IFT74: variants seen among roughly 807,000 people sequenced by gnomAD.
IFT74 encodes the protein intraflagellar transport protein 74 homolog.
A neutral mutation model predicts 96.7 loss-of-function variants in IFT74; 92 were observed. The ratio of observed to expected loss-of-function variants is 0.95; its 90% CI spans 0.80 to 1.13. The LOEUF (loss-of-function observed/expected upper bound fraction) is 1.13. IFT74 is among the 50% of genes most tolerant of loss of function. IFT74 has a pLI of 0.00. For synonymous variants in IFT74, 223 were observed against 213.2 expected (o/e 1.05, Z -0.40); for missense variants, 811 against 698.2 (o/e 1.16, Z -1.82).
At chr9:27,029,125 T>TA in intron 13 of IFT74, 21 bp downstream of exon 13, 1 of 1,553,564 alleles carries the variant, frequency 6.4e-7, no homozygotes, top group Non-Finnish European at 8.8e-7. Context: ...GGTATTTTTA[T>TA]AATGTAGATT....
intron 2 of IFT74, among the ~76,000 whole-genome samples, chr9:26,972,685 C>T (rs1385260724): frequency 6.6e-6 from 1 of 152,066 alleles, no homozygotes; most frequent in Non-Finnish European, 1.5e-5. Context: ...ACAGCAATAT[C>T]CAATTAATCC....
chr9:27,029,199 G>A, intron 13 of IFT74, 95 bp downstream of exon 13: 1 of 822,252 alleles, frequency 1.2e-6, no homozygotes, highest in Non-Finnish European at 1.8e-6. Context: ...CAACTACCTG[G>A]GATTTATTAT....
At chr9:26,974,928 C>T (rs938682068) in intron 2 of IFT74, among the ~76,000 whole-genome samples, 7 of 152,106 alleles carry the variant, frequency 4.6e-5, no homozygotes, top group African/African-American at 9.7e-5. Flanking sequence ...GGAAGAGAGT[C>T]GGGGCTGACT....
At position 27,000,515 on chromosome 9, in the gene IFT74, C is replaced by T. The variant is rs532792339; in HGVS notation, c.588-8505C>T. Among the ~76,000 whole-genome samples, 61 of 152,114 alleles carry T rather than the reference C, an allele frequency of 4.0e-4. No individual in the cohort carries two copies. In the East Asian group the frequency reaches 4.4e-3, roughly 11 times the overall value. ...GTAACTTTTAAAAATTTTATTGAGGCGTGGTAGATATACATAGTTTTGGGG... is the reference window on the plus strand; with the variant it reads ...GTAACTTTTAAAAATTTTATTGAGGTGTGGTAGATATACATAGTTTTGGGG... On this transcript the variant is annotated intron_variant, in intron 8 of 19. Transcript: ENST00000380062.
chr9:26,948,744 T>C (rs1825842711), intron 1 of IFT74, among the ~76,000 whole-genome samples: 1 of 152,142 alleles, frequency 6.6e-6, no homozygotes, highest in Non-Finnish European at 1.5e-5. Context: ...ATTATAAGCG[T>C]GAGCCACCAC....
At chr9:27,029,352 T>C (rs955857732) in intron 13 of IFT74, among the ~76,000 whole-genome samples, 1 of 152,310 alleles carries the variant, frequency 6.6e-6, no homozygotes, top group East Asian at 1.9e-4. Context: ...TTTTTTTTTT[T>C]ACAAAAACAG....
chr9:27,057,448 T>C (rs1820216795), intron 18 of IFT74, among the ~76,000 whole-genome samples: 1 of 152,196 alleles, frequency 6.6e-6, no homozygotes, highest in Admixed American at 6.6e-5. Context: ...AATGAAGCAT[T>C]ATGTGTCATG....
At chr9:27,002,193 G>A (rs1828535722) in intron 8 of IFT74, among the ~76,000 whole-genome samples, 1 of 152,134 alleles carries the variant, frequency 6.6e-6, no homozygotes, top group South Asian at 2.1e-4. Flanking sequence ...GTGCAGTGAT[G>A]CCATTTTGGC....
At chr9:26,978,308 A>G in intron 3 of IFT74, 45 bp downstream of exon 3, 1 of 1,584,032 alleles carries the variant, frequency 6.3e-7, no homozygotes, top group Non-Finnish European at 8.6e-7. Flanking sequence ...TGTGTTTTGT[A>G]AGAAATAAAT....
At chr9:26,957,199 G>T (rs867023120) in intron 1 of IFT74, among the ~76,000 whole-genome samples, 1 of 152,180 alleles carries the variant, frequency 6.6e-6, no homozygotes, top group Non-Finnish European at 1.5e-5. Context: ...TGTTGCTAAT[G>T]CCCGCCTCTT....
intron 2 of IFT74, among the ~76,000 whole-genome samples, 175 bp downstream of exon 2, chr9:26,962,262 G>C (rs959516436): frequency 6.6e-6 from 1 of 152,152 alleles, no homozygotes; most frequent in African/African-American, 2.4e-5. Context: ...GTAGAAGTTG[G>C]AAATCCCCTC....
intron 16 of IFT74, among the ~76,000 whole-genome samples, chr9:27,051,712 G>A (rs1019189821): frequency 1.3e-5 from 2 of 152,124 alleles, no homozygotes; most frequent in African/African-American, 4.8e-5. Flanking sequence ...TTCACTTAGC[G>A]TAATGTCCTT....
At chr9:27,020,691 G>C (rs1273855713) in intron 12 of IFT74, among the ~76,000 whole-genome samples, 2 of 152,018 alleles carry the variant, frequency 1.3e-5, no homozygotes, top group Non-Finnish European at 2.9e-5. Context: ...AGCCAGGATG[G>C]TCTCGATCTC....
chr9:27,038,229 T>C lies in IFT74; in HGVS notation c.1055-6513T>C, dbSNP rs534434557. ...GTCAGTGATTTCAGGAGCTTCCCCATTATTGGTGCAGAAGTCAGGAATATG... is the reference window on the plus strand; with the variant it reads ...GTCAGTGATTTCAGGAGCTTCCCCACTATTGGTGCAGAAGTCAGGAATATG... On this transcript the variant is annotated intron_variant, in intron 13 of 19. Coordinates refer to ENST00000380062, the MANE Select transcript of IFT74 (RefSeq NM_025103.4). Among the ~76,000 whole-genome samples, 34 of 152,244 alleles carry C rather than the reference T, an allele frequency of 2.2e-4. No individual in the cohort carries two copies. In the East Asian group the frequency reaches 6.2e-3, roughly 28 times the overall value.
upstream of IFT74, among the ~76,000 whole-genome samples, chr9:26,952,634 C>T (rs903799314): frequency 3.3e-5 from 5 of 152,188 alleles, no homozygotes; most frequent in Non-Finnish European, 2.9e-5. Context: ...ATTCAAAAGA[C>T]GTAAAGGATG....
At chr9:26,951,059 A>G (rs1449371762) in intron 1 of IFT74, among the ~76,000 whole-genome samples, 1 of 152,268 alleles carries the variant, frequency 6.6e-6, no homozygotes, top group African/African-American at 2.4e-5. Flanking sequence ...TGAAGGCATG[A>G]AGGAAAAATG....
At chr9:27,061,342 C>T (rs116328835) in intron 19 of IFT74, among the ~76,000 whole-genome samples, 1 of 152,210 alleles carries the variant, frequency 6.6e-6, no homozygotes, top group Non-Finnish European at 1.5e-5. Flanking sequence ...ACAATTTAAT[C>T]TGTTCAAGCT....
At chr9:27,049,079 T>C (rs1001726398) in intron 16 of IFT74, among the ~76,000 whole-genome samples, 1 of 152,124 alleles carries the variant, frequency 6.6e-6, no homozygotes, top group East Asian at 1.9e-4. Flanking sequence ...CCTCCTTCTC[T>C]CTCTTGCCTT....
At chr9:26,999,386 T>G (rs1300078245) in intron 8 of IFT74, among the ~76,000 whole-genome samples, 1 of 152,186 alleles carries the variant, frequency 6.6e-6, no homozygotes, top group African/African-American at 2.4e-5. Context: ...TCTGATTTTA[T>G]AGTGAAAATT....
Sources: gnomAD v4.1 joint callset for allele counts (sites outside exome capture counted in the v4.1 genomes callset) on GRCh38, gnomAD v4.1.1 for gene constraint, MANE v1.5 for transcripts, NCBI Gene and HGNC (gene_info 2026-07-23, HGNC 2026-07-21) for gene names.